Variants in CDH13 observed in about 807,000 individuals in gnomAD.
The protein encoded by CDH13 is cadherin 13.
Under a neutral mutation model 63.8 loss-of-function variants are expected in CDH13, and 24 were observed. The observed-to-expected ratio is 0.38, with a 90% confidence interval of 0.27 to 0.53. CDH13 has a LOEUF of 0.53. Ranked by LOEUF, CDH13 falls within the 20% of genes least tolerant of loss-of-function variation. CDH13 has a pLI of 0.85. For missense variants in CDH13, 1,049 were observed against 903.1 expected, an observed-to-expected ratio of 1.16 and a Z score of -2.07; for synonymous variants, 503 against 355.3, an observed-to-expected ratio of 1.42 and a Z score of -4.67.
chr16:83,358,579 T>G (rs189305024), intron 6 of CDH13, among the ~76,000 whole-genome samples: 1 of 152,320 alleles, frequency 6.6e-6, no homozygotes, highest in Non-Finnish European at 1.5e-5. Context: ...TAATAACAGC[T>G]GAAATATGCA....
chr16:82,850,770 C>G (rs752898808), intron 1 of CDH13, among the ~76,000 whole-genome samples: 2 of 152,146 alleles, frequency 1.3e-5, no homozygotes, highest in African/African-American at 4.8e-5. Context: ...TCAGCAGCCA[C>G]CAAAATGGAG....
chr16:83,614,772 G>A (rs924840341), intron 8 of CDH13, among the ~76,000 whole-genome samples: 29 of 152,074 alleles, frequency 1.9e-4, no homozygotes, highest in Non-Finnish European at 1.6e-4. Flanking sequence ...GACATGGTGC[G>A]GATATAATTC....
At chr16:83,108,986 C>A (rs1325502269) in intron 3 of CDH13, among the ~76,000 whole-genome samples, 1 of 152,188 alleles carries the variant, frequency 6.6e-6, no homozygotes, top group East Asian at 1.9e-4. Context: ...TCCTCATTCT[C>A]CTGCCCACAT....
chr16:82,768,312 A>T (rs1476224390), intron 1 of CDH13, among the ~76,000 whole-genome samples: 3 of 152,214 alleles, frequency 2.0e-5, no homozygotes, highest in Admixed American at 6.5e-5. Context: ...GATGCCTCTC[A>T]CATGGCCAGT....
At chr16:82,879,491 A>G (rs925888364) in intron 2 of CDH13, among the ~76,000 whole-genome samples, 18 of 145,016 alleles carry the variant, frequency 1.2e-4, no homozygotes, top group African/African-American at 2.2e-4. Flanking sequence ...ATATAATTTA[A>G]TTAAATATAT....
intron 2 of CDH13, among the ~76,000 whole-genome samples, chr16:83,008,622 G>T (rs1025214372): frequency 2.6e-5 from 4 of 152,306 alleles, no homozygotes; most frequent in Non-Finnish European, 5.9e-5. Flanking sequence ...TTGGACCTTT[G>T]CTGTGTTGAG....
rs556650459 is a variant in CDH13 at position 82,910,046 on chromosome 16, C to A, written c.157+51573C>A. On this transcript the variant is annotated intron_variant, in intron 2 of 13. Transcript: ENST00000567109. ...GTACTTGGAAGTAGTGGCATGCGAC[C>A]CTTCTCAGCCAAAGTATACAATTGC... Among the ~76,000 whole-genome samples the A allele has an allele frequency of 5.3e-5, 8 of 152,236 alleles. No individual in the cohort carries two copies. The South Asian group carries it at 1.5e-3, about 28-fold the overall frequency.
chr16:83,624,140 C>T (rs1910060946), intron 8 of CDH13, among the ~76,000 whole-genome samples: 2 of 152,150 alleles, frequency 1.3e-5, no homozygotes, highest in Admixed American at 6.6e-5. Context: ...TCTATGTTGG[C>T]TTTATTCTCT....
chr16:82,802,857 A>T (rs2036934216), intron 1 of CDH13, among the ~76,000 whole-genome samples: 1 of 152,194 alleles, frequency 6.6e-6, no homozygotes, highest in Non-Finnish European at 1.5e-5. Context: ...ACAGTCACAA[A>T]GGACTCTCTG....
At chr16:83,409,300 C>CT (rs138979349) in intron 6 of CDH13, among the ~76,000 whole-genome samples, 17,399 of 152,174 alleles carry the variant, frequency 0.11, 1,283 homozygotes, top group Middle Eastern at 0.18. Flanking sequence ...AAGGCTGCTG[C>CT]TAGGGACATT....
chr16:83,031,999 T>G lies in CDH13; in HGVS notation c.158-11T>G, dbSNP rs1916400482. The stretch of plus-strand genomic sequence containing the variant: ...ACTCATGCTCCTTCTGTTGTTTCGT[T>G]TGTTTCCCAGTGACCTTCAGTGACT... On this transcript the variant is annotated splice_polypyrimidine_tract_variant and intron_variant, in intron 2 of 13. Coordinates refer to ENST00000567109, the MANE Select transcript of CDH13 (RefSeq NM_001257.5). The G allele has an allele frequency of 6.4e-7, 1 of 1,570,590 alleles. No individual in the cohort carries two copies. Among genetic ancestry groups the G allele is most frequent in the Non-Finnish European group, 8.6e-7 (1 of 1,156,624 alleles).
chr16:83,132,143 A>T (rs2151657582), intron 4 of CDH13, among the ~76,000 whole-genome samples: 1 of 152,214 alleles, frequency 6.6e-6, no homozygotes, highest in East Asian at 1.9e-4. Flanking sequence ...CATTTGCCTC[A>T]CTTTGAAGAC....
intron 8 of CDH13, among the ~76,000 whole-genome samples, chr16:83,636,663 A>G (rs1911292589): frequency 6.6e-6 from 1 of 152,170 alleles, no homozygotes; most frequent in African/African-American, 2.4e-5. Flanking sequence ...CCCACCATTG[A>G]TGGGCACCTG....
At chr16:83,353,274 G>T (rs2090992678) in intron 6 of CDH13, among the ~76,000 whole-genome samples, 1 of 152,200 alleles carries the variant, frequency 6.6e-6, no homozygotes, top group Admixed American at 6.5e-5. Flanking sequence ...ATGTCTGAAG[G>T]TCCTCTGGTG....
At chr16:83,334,361 T>TCTCTCA (rs1272779883) in intron 5 of CDH13, among the ~76,000 whole-genome samples, 10,181 of 85,184 alleles carry the variant, frequency 0.12, 513 homozygotes, top group Non-Finnish European at 0.14. Context: ...TCTCTCTCTC[T>TCTCTCA]CACACACACA....
intron 5 of CDH13, among the ~76,000 whole-genome samples, chr16:83,337,002 G>A (rs2090612365): frequency 6.6e-6 from 1 of 152,206 alleles, no homozygotes; most frequent in Admixed American, 6.5e-5. Context: ...GGCTGAAGAT[G>A]AGAGGATGAC....
chr16:83,336,295 C>A, intron 5 of CDH13, among the ~76,000 whole-genome samples: 2 of 81,468 alleles, frequency 2.5e-5, no homozygotes, highest in Non-Finnish European at 2.5e-5. Flanking sequence ...AGCAAGACTC[C>A]ATCTCAAAAA....
At chr16:83,511,974 G>C (rs2074576688) in intron 7 of CDH13, among the ~76,000 whole-genome samples, 1 of 152,052 alleles carries the variant, frequency 6.6e-6, no homozygotes, top group Non-Finnish European at 1.5e-5. Context: ...TCCAGCACAT[G>C]GTTAGTCCTC....
chr16:83,273,370 G>A (rs988110630), intron 5 of CDH13, among the ~76,000 whole-genome samples: 1 of 151,814 alleles, frequency 6.6e-6, no homozygotes, highest in Non-Finnish European at 1.5e-5. Flanking sequence ...GGGGTCTTTT[G>A]TTCCCGTCTT....
Sources: allele counts gnomAD v4.1 joint callset (sites outside exome capture counted in the v4.1 genomes callset), GRCh38; gene constraint gnomAD v4.1.1; transcripts MANE v1.5; gene names NCBI Gene and HGNC (gene_info 2026-07-23, HGNC 2026-07-21).